The following RTF1 variants were observed in gnomAD, a reference collection of about 807,000 sequenced individuals.
RTF1 encodes RTF1 homolog, Paf1/RNA polymerase II complex component, also known as RNA polymerase-associated protein RTF1 homolog.
Under a neutral mutation model 95.7 loss-of-function variants are expected in RTF1, and 10 were observed. The ratio of observed to expected loss-of-function variants is 0.10; its 90% CI spans 0.06 to 0.18. The LOEUF (loss-of-function observed/expected upper bound fraction) is 0.18. RTF1 is among the 10% of genes least tolerant of loss of function. RTF1 has a pLI of 1.00. For synonymous variants in RTF1, 305 were observed against 311.8 expected, an observed-to-expected ratio of 0.98 and a Z score of 0.23; for missense variants, 458 against 875.6, an observed-to-expected ratio of 0.52 and a Z score of 6.02.
chr15:41,464,474 C>T (rs887069497), intron 4 of RTF1, among the ~76,000 whole-genome samples: 3 of 151,826 alleles, frequency 2.0e-5, no homozygotes, highest in Non-Finnish European at 4.4e-5. Flanking sequence ...GTCTCGATCT[C>T]TTGATCCCCC....
At chr15:41,472,754 T>G (rs1288680226) in intron 8 of RTF1, among the ~76,000 whole-genome samples, 2 of 151,368 alleles carry the variant, frequency 1.3e-5, no homozygotes, top group African/African-American at 4.9e-5. Context: ...CAGGCTGGAG[T>G]TCAGTGGCAC....
At chr15:41,432,165 G>C (rs938493926) in intron 1 of RTF1, among the ~76,000 whole-genome samples, 6 of 150,374 alleles carry the variant, frequency 4.0e-5, no homozygotes, top group Non-Finnish European at 8.9e-5. Flanking sequence ...GCAGTTGTTT[G>C]TTGATGAAGG....
intron 1 of RTF1, among the ~76,000 whole-genome samples, chr15:41,426,781 ATGTGTGTGTGTGTGTGTGTG>A (rs58073154): frequency 1.5e-4 from 12 of 78,458 alleles, no homozygotes; most frequent in Middle Eastern, 6.7e-3. Context: ...CTACATATAT[ATGTGTGTGTGTGTGTGTGTG>A]TGTGTGTGTG....
intron 8 of RTF1, among the ~76,000 whole-genome samples, chr15:41,472,794 C>G (rs2050920206): frequency 6.6e-6 from 1 of 151,798 alleles, no homozygotes; most frequent in South Asian, 2.1e-4. Context: ...CTCTGGCTCC[C>G]AGGTTCACGC....
chr15:41,446,569 A>AATTACT (rs1555385937), intron 2 of RTF1, among the ~76,000 whole-genome samples: 28 of 151,390 alleles, frequency 1.8e-4, no homozygotes, highest in African/African-American at 4.6e-4. Context: ...AAAAAAAAAA[A>AATTACT]TTATTTTCAT....
chr15:41,441,799 A>G (rs1232615338), intron 2 of RTF1, among the ~76,000 whole-genome samples: 2 of 152,150 alleles, frequency 1.3e-5, no homozygotes, highest in Non-Finnish European at 2.9e-5. Context: ...TTCAGATTCT[A>G]GTACTCCAGG....
chr15:41,431,030 A>G (rs994581937), intron 1 of RTF1, among the ~76,000 whole-genome samples: 1 of 151,026 alleles, frequency 6.6e-6, no homozygotes, highest in African/African-American at 2.4e-5. Flanking sequence ...CAGACTCCCA[A>G]GTAGCTGGGA....
At chr15:41,457,152 A>G (rs1043334893) in intron 3 of RTF1, among the ~76,000 whole-genome samples, 2 of 152,234 alleles carry the variant, frequency 1.3e-5, no homozygotes. Flanking sequence ...CTGTAATCCC[A>G]GCACTTTGGG....
Position 41,478,539 on chromosome 15 carries a change from C to T in RTF1, c.1741-9C>T. 1 of 1,610,404 alleles carries T rather than the reference C, an allele frequency of 6.2e-7. No individual in the cohort carries two copies. The highest frequency in any genetic ancestry group is 8.5e-7 in the Non-Finnish European group (1 of 1,179,166). On this transcript the variant is annotated splice_polypyrimidine_tract_variant and intron_variant, in intron 14 of 17. Coordinates refer to ENST00000389629, the MANE Select transcript of RTF1 (RefSeq NM_015138.5). ...GGTGCAGTTCTGTGGTGCATGCTTT[C>T]TGTTTCAGGCTGAAAGTCACAACAT...
chr15:41,437,165 G>T (rs1292864946), intron 1 of RTF1, among the ~76,000 whole-genome samples: 7 of 152,006 alleles, frequency 4.6e-5, no homozygotes. Context: ...AATGATATCA[G>T]TTGTTGTGAA....
At chr15:41,445,734 AT>A (rs66494134) in intron 2 of RTF1, among the ~76,000 whole-genome samples, 339 of 131,978 alleles carry the variant, frequency 2.6e-3, no homozygotes, top group Non-Finnish European at 3.0e-3. Context: ...TCCTGACCCC[AT>A]TTTTTTTTTT....
At chr15:41,426,318 T>C (rs867644191) in intron 1 of RTF1, among the ~76,000 whole-genome samples, 1 of 151,514 alleles carries the variant, frequency 6.6e-6, no homozygotes, top group Non-Finnish European at 1.5e-5. Flanking sequence ...TTTTATTTTT[T>C]TTTTTGGGAT....
intron 1 of RTF1, among the ~76,000 whole-genome samples, chr15:41,418,213 CCTTT>C (rs983294969): frequency 1.3e-5 from 2 of 152,070 alleles, no homozygotes; most frequent in Non-Finnish European, 2.9e-5. Flanking sequence ...AAGATGGTCT[CCTTT>C]CTGTTTAATG....
At chr15:41,476,899 G>A (rs904881928) in intron 12 of RTF1, among the ~76,000 whole-genome samples, 6 of 152,192 alleles carry the variant, frequency 3.9e-5, no homozygotes, top group African/African-American at 1.4e-4. Context: ...TGGTGGTTTA[G>A]CCACCCTGTG....
chr15:41,473,124 TTTTTGTTTTG>T (rs1225710942), intron 8 of RTF1, among the ~76,000 whole-genome samples: 1 of 151,950 alleles, frequency 6.6e-6, no homozygotes, highest in African/African-American at 2.4e-5. Context: ...TGGTGTTGGT[TTTTTGTTTTG>T]TTTTGTTTTG....
chr15:41,453,007 C>T lies in RTF1; in HGVS notation c.416C>T (p.Ser139Leu). ...AACAAAACTGCCTCCTCAGGCAGTT[C>T]AGACAAAGACAGTTCAGCTGAGAGC... is the stretch of plus-strand genomic sequence containing the variant. ...QANKTASSGS[S>L]DKDSSAESSA... The change falls in exon 3 of 18, where the codon TCA becomes TTA. Residue 139 changes from serine to leucine, a missense_variant. Coordinates refer to ENST00000389629, the MANE Select transcript of RTF1 (RefSeq NM_015138.5). 6.2e-7 allele frequency: 1 copy of T among 1,610,602 alleles called. No individual in the cohort carries two copies. Among genetic ancestry groups the T allele is most frequent in the Non-Finnish European group, 8.5e-7 (1 of 1,179,140 alleles).
Position 41,476,539 on chromosome 15 carries a change from C to G in RTF1, c.1560+16C>G, listed in dbSNP as rs527327852. On this transcript the variant is annotated intron_variant, in intron 12 of 17. Coordinates refer to ENST00000389629, the MANE Select transcript of RTF1 (RefSeq NM_015138.5). ...GAAGGAAAAGGTAAGGAGTTGTACT[C>G]GAGCCTCTTTCCTCATCCTGTAAGG... 2 of 1,604,032 alleles carry G rather than the reference C, an allele frequency of 1.2e-6. No individual in the cohort carries two copies. The highest frequency in any genetic ancestry group is 1.3e-5 in the African/African-American group (1 of 74,868).
At chr15:41,420,773 A>G (rs1480959812) in intron 1 of RTF1, among the ~76,000 whole-genome samples, 1 of 152,114 alleles carries the variant, frequency 6.6e-6, no homozygotes, top group Non-Finnish European at 1.5e-5. Context: ...GTCAGAAGCC[A>G]CCTGGGTTGC....
chr15:41,474,042 C>CA (rs2050929572), intron 8 of RTF1, among the ~76,000 whole-genome samples: 1 of 150,546 alleles, frequency 6.6e-6, no homozygotes, highest in Non-Finnish European at 1.5e-5. Flanking sequence ...GTCTCAAAAA[C>CA]AAAAAACAAA....
Sources: gnomAD v4.1 joint callset for allele counts (sites outside exome capture counted in the v4.1 genomes callset) on GRCh38, gnomAD v4.1.1 for gene constraint, MANE v1.5 for transcripts, NCBI Gene and HGNC (gene_info 2026-07-23, HGNC 2026-07-21) for gene names.